Variants in NPAS3 observed in about 807,000 individuals in gnomAD.
NPAS3 encodes the protein neuronal PAS domain protein 3.
A neutral mutation model predicts 73.1 loss-of-function variants in NPAS3; 14 were observed. The ratio of observed to expected loss-of-function variants is 0.19; its 90% CI spans 0.13 to 0.30. The LOEUF is 0.30. Among genes scored for constraint, NPAS3 ranks in the 10% least tolerant of loss-of-function variants. NPAS3 has a pLI of 1.00. For synonymous variants in NPAS3, 620 were observed against 541.5 expected (o/e 1.14, Z -2.01); for missense variants, 1,096 against 1,250.0 (o/e 0.88, Z 1.86).
chr14:33,182,639 A>AT (rs1249524785), intron 2 of NPAS3, among the ~76,000 whole-genome samples: 1 of 151,920 alleles, frequency 6.6e-6, no homozygotes, highest in African/African-American at 2.4e-5. Flanking sequence ...TTGTCAACAT[A>AT]TTTTTTCACT....
intron 2 of NPAS3, among the ~76,000 whole-genome samples, chr14:33,127,267 A>G (rs1414339403): frequency 1.3e-5 from 2 of 151,762 alleles, no homozygotes; most frequent in Admixed American, 1.3e-4. Context: ...TTTCATGGAC[A>G]TTTCTTATCT....
At chr14:33,583,354 G>A (rs1225685066) in intron 5 of NPAS3, 5 of 152,242 alleles carry the variant, frequency 3.3e-5, no homozygotes, top group Admixed American at 6.5e-5. Flanking sequence ...ACCTCAGAGT[G>A]AGAAGACAGA....
At chr14:33,220,535 T>C (rs890043089) in intron 3 of NPAS3, among the ~76,000 whole-genome samples, 15 of 152,212 alleles carry the variant, frequency 9.9e-5, no homozygotes, top group African/African-American at 3.4e-4. Context: ...TACTTTATTT[T>C]ACATCATGAT....
At chr14:33,682,204 G>A (rs937868866) in intron 6 of NPAS3, among the ~76,000 whole-genome samples, 2 of 152,108 alleles carry the variant, frequency 1.3e-5, no homozygotes, top group African/African-American at 2.4e-5. Context: ...AACTACCATA[G>A]TGATCTCTGA....
intron 2 of NPAS3, among the ~76,000 whole-genome samples, chr14:33,112,694 C>G (rs944884454): frequency 1.3e-5 from 2 of 152,040 alleles, no homozygotes; most frequent in East Asian, 1.9e-4. Flanking sequence ...GTCAATTTTT[C>G]CTTTTGTTGC....
intron 3 of NPAS3, among the ~76,000 whole-genome samples, chr14:33,299,159 G>A (rs974948620): frequency 3.3e-5 from 5 of 152,192 alleles, no homozygotes; most frequent in African/African-American, 1.2e-4. Flanking sequence ...AAGTGAATAT[G>A]TAACTTTGGC....
chr14:33,335,043 CGTGTGT>C (rs59212032), intron 3 of NPAS3, among the ~76,000 whole-genome samples: 18 of 146,946 alleles, frequency 1.2e-4, no homozygotes, highest in Admixed American at 1.4e-4. Flanking sequence ...TGTGTGTGTG[CGTGTGT>C]GTGTGTGTGT....
intron 1 of NPAS3, among the ~76,000 whole-genome samples, chr14:32,994,473 T>G (rs2038469557): frequency 6.6e-6 from 1 of 152,156 alleles, no homozygotes; most frequent in Non-Finnish European, 1.5e-5. Flanking sequence ...AAATTTTTTT[T>G]TCATGATGGA....
intron 2 of NPAS3, among the ~76,000 whole-genome samples, chr14:33,204,304 T>A (rs1227602565): frequency 6.6e-6 from 1 of 152,164 alleles, no homozygotes; most frequent in Non-Finnish European, 1.5e-5. Context: ...TTTATATATG[T>A]AGTCTCATGC....
At chr14:33,218,087 G>A (rs567632846) in intron 3 of NPAS3, among the ~76,000 whole-genome samples, 7 of 152,226 alleles carry the variant, frequency 4.6e-5, no homozygotes, top group African/African-American at 1.4e-4. Context: ...CTGCCCCCAC[G>A]TTGTTGCAGT....
At chr14:33,728,661 G>A (rs759366890) in intron 6 of NPAS3, among the ~76,000 whole-genome samples, 1 of 152,150 alleles carries the variant, frequency 6.6e-6, no homozygotes, top group African/African-American at 2.4e-5. Flanking sequence ...ACTAAAAGCC[G>A]TTACCCGCTT....
At chr14:33,077,774 G>GGTT (rs1555333248) in intron 2 of NPAS3, among the ~76,000 whole-genome samples, 1 of 87,470 alleles carries the variant, frequency 1.1e-5, no homozygotes, top group Admixed American at 1.5e-4. Context: ...TGCAGTAAGG[G>GGTT]TTTTTTTTTT....
At chr14:33,250,317 A>C (rs2048535843) in intron 3 of NPAS3, among the ~76,000 whole-genome samples, 1 of 151,980 alleles carries the variant, frequency 6.6e-6, no homozygotes, top group South Asian at 2.1e-4. Context: ...TTGAGCCTAC[A>C]CATACAAAAA....
At chr14:33,305,268 T>C (rs2042711518) in intron 3 of NPAS3, among the ~76,000 whole-genome samples, 1 of 152,090 alleles carries the variant, frequency 6.6e-6, no homozygotes, top group African/African-American at 2.4e-5. Flanking sequence ...TTTTGCTTCT[T>C]AAGTTAGCTA....
intron 5 of NPAS3, among the ~76,000 whole-genome samples, chr14:33,588,888 T>C (rs1159012622): frequency 6.6e-6 from 1 of 152,204 alleles, no homozygotes; most frequent in African/African-American, 2.4e-5. Context: ...CCCAAAGTTC[T>C]AGAATTACAG....
intron 4 of NPAS3, among the ~76,000 whole-genome samples, chr14:33,487,233 A>C (rs1483770882): frequency 6.6e-6 from 1 of 152,176 alleles, no homozygotes; most frequent in Non-Finnish European, 1.5e-5. Flanking sequence ...TTGTAATGTA[A>C]TTGCCCACTT....
chr14:32,949,960 G>A (rs1436962789), intron 1 of NPAS3, among the ~76,000 whole-genome samples: 1 of 151,828 alleles, frequency 6.6e-6, no homozygotes, highest in African/African-American at 2.4e-5. Context: ...GGAATTTTTG[G>A]TTTATTATAC....
intron 5 of NPAS3, among the ~76,000 whole-genome samples, chr14:33,674,843 G>C (rs765802241): frequency 1.3e-5 from 2 of 152,196 alleles, no homozygotes; most frequent in Non-Finnish European, 2.9e-5. Context: ...AGCCTGTTAA[G>C]ATGTTAATCA....
intron 2 of NPAS3, among the ~76,000 whole-genome samples, chr14:33,137,549 G>A (rs2139151190): frequency 1.3e-5 from 2 of 152,240 alleles, no homozygotes; most frequent in Middle Eastern, 6.8e-3. Flanking sequence ...ATATGTGTGA[G>A]TACAAATGGG....
Sources: allele counts gnomAD v4.1 joint callset (sites outside exome capture counted in the v4.1 genomes callset), GRCh38; gene constraint gnomAD v4.1.1; transcripts MANE v1.5; gene names NCBI Gene and HGNC (gene_info 2026-07-23, HGNC 2026-07-21).